KDM5B: variants seen among roughly 807,000 people sequenced by gnomAD.
KDM5B encodes the protein lysine demethylase 5B, also known as lysine-specific demethylase 5B.
A neutral mutation model predicts 193.4 loss-of-function variants in KDM5B; 144 were observed. The observed-to-expected ratio is 0.74, with a 90% CI of 0.65 to 0.86. The LOEUF is 0.86. Among genes scored for constraint, KDM5B ranks in the 40% least tolerant of loss-of-function variants. The probability of loss-of-function intolerance (pLI) is 0.00; values close to 1 mark genes in which losing one functional copy is unlikely to be tolerated. For synonymous variants in KDM5B, 668 were observed against 682.6 expected (o/e 0.98, Z 0.33); for missense variants, 1,833 against 1,886.9 (o/e 0.97, Z 0.53).
At chr1:202,803,425 T>C (rs1175043965) in intron 1 of KDM5B, among the ~76,000 whole-genome samples, 2 of 152,192 alleles carry the variant, frequency 1.3e-5, no homozygotes, top group South Asian at 2.1e-4. Flanking sequence ...ACTGGGTAGA[T>C]ATGTTTGTGG....
chr1:202,735,707 T>C, intron 21 of KDM5B, 120 bp from the exon 22 acceptor site: 2 of 917,352 alleles, frequency 2.2e-6, no homozygotes, highest in Non-Finnish European at 3.3e-6. Context: ...TATTGAAGAT[T>C]TTCTTTGGAA....
intron 6 of KDM5B, among the ~76,000 whole-genome samples, chr1:202,763,038 T>G (rs550589025): frequency 6.6e-6 from 1 of 152,246 alleles, no homozygotes; most frequent in Non-Finnish European, 1.5e-5. Context: ...CTTCTGGAGA[T>G]GTCCCTCAGG....
rs147084915 is a variant in KDM5B, at chr1:202,800,528, T to C, written c.204+7574A>G. 3.5e-3 allele frequency among the ~76,000 whole-genome samples: 528 copies of C among 152,076 alleles called. 3 individuals carry two copies. Among genetic ancestry groups the C allele is most frequent in the Non-Finnish European group, 5.9e-3 (402 of 67,990 alleles). The stretch of plus-strand genomic sequence containing the variant: ...GCTAATTTTTTGTCTTTTGTAGAGA[T>C]AGGGTCTCACTATGTTTCCCAGGCT... On this transcript the variant is annotated intron_variant, in intron 1 of 26. Transcript: ENST00000367265.
chr1:202,793,627 A>G (rs1657727966), intron 1 of KDM5B, among the ~76,000 whole-genome samples: 1 of 152,180 alleles, frequency 6.6e-6, no homozygotes, highest in Non-Finnish European at 1.5e-5. Context: ...GAAACCCAAC[A>G]TTTTGATTCC....
intron 4 of KDM5B, chr1:202,767,488 G>T: frequency 1.1e-6 from 1 of 908,320 alleles, no homozygotes; most frequent in Non-Finnish European, 1.8e-6. Context: ...ACCTCACCAA[G>T]ACCTTTTTTT....
chr1:202,803,238 C>T (rs796781290), intron 1 of KDM5B, among the ~76,000 whole-genome samples: 1 of 152,116 alleles, frequency 6.6e-6, no homozygotes, highest in East Asian at 1.9e-4. Context: ...ACTCATTTCG[C>T]TCTTTTAAAA....
intron 10 of KDM5B, 117 bp from the exon 11 acceptor site, chr1:202,755,569 C>A (rs1655976631): frequency 1.1e-5 from 9 of 805,848 alleles, no homozygotes. Flanking sequence ...AGAGGAGGGG[C>A]CACCATGCTG....
intron 1 of KDM5B, among the ~76,000 whole-genome samples, chr1:202,799,715 T>C (rs1424906587): frequency 6.6e-6 from 1 of 151,816 alleles, no homozygotes; most frequent in Non-Finnish European, 1.5e-5. Context: ...AAAATATACA[T>C]ACACACAGTC....
intron 1 of KDM5B, among the ~76,000 whole-genome samples, chr1:202,805,891 A>C (rs1401753456): frequency 6.6e-6 from 1 of 152,180 alleles, no homozygotes; most frequent in Non-Finnish European, 1.5e-5. Context: ...TGTTAAACAA[A>C]GGAGGAAGCA....
chr1:202,777,112 C>G lies in KDM5B; in HGVS notation c.205-18G>C, dbSNP rs1558508134. ...TGCCAATCCTAGGAGAAAGCAAAGG[C>G]TCTTATTAGAATAACTTATAAGCAT... On this transcript the variant is annotated intron_variant, in intron 1 of 26. Transcript: ENST00000367265. 1 of 1,591,706 alleles carries G rather than the reference C, an allele frequency of 6.3e-7. No individual in the cohort carries two copies. The highest frequency in any genetic ancestry group is 8.6e-7 in the Non-Finnish European group (1 of 1,160,560).
chr1:202,733,566 C>T lies in KDM5B; in HGVS notation c.3744G>A (p.Glu1248=), dbSNP rs1412531076. 6.2e-7 allele frequency: 1 copy of T among 1,614,038 alleles called. No individual in the cohort carries two copies. The highest frequency in any genetic ancestry group is 8.5e-7 in the Non-Finnish European group (1 of 1,180,038). Reference sequence around the variant, plus strand: ...CAATCATATATCGAAGTGCATCTCCCTCAGGAAGGCGAACTCGGATACGCT... The same window carrying T: ...CAATCATATATCGAAGTGCATCTCCTTCAGGAAGGCGAACTCGGATACGCT... ...SLQRIRVRLP[E]GDALRYMIER... The change falls in exon 23 of 27, where the codon GAG becomes GAA. Residue 1248 remains glutamate, a synonymous_variant. Coordinates refer to ENST00000367265, the MANE Select transcript of KDM5B (RefSeq NM_006618.5).
chr1:202,773,926 G>C (rs1423880123), intron 3 of KDM5B, among the ~76,000 whole-genome samples: 1 of 151,828 alleles, frequency 6.6e-6, no homozygotes, highest in Non-Finnish European at 1.5e-5. Context: ...TAGTAGAGAC[G>C]GGGTTTCGAC....
chr1:202,729,006 T>C lies in KDM5B; in HGVS notation c.*30A>G. On this transcript the variant is annotated 3_prime_UTR_variant, in exon 27 of 27. Transcript: ENST00000367265. ...CTCTTGGTTGGAGTCCTGAATTACA[T>C]TAAGTAGGGGGGTATCTGTTTTTGT... The C allele has an allele frequency of 1.9e-6, 3 of 1,613,554 alleles. No homozygotes were observed. Among genetic ancestry groups the C allele is most frequent in the Admixed American group, 1.7e-5 (1 of 60,014 alleles).
At chr1:202,767,326 TC>T (rs932228387) in intron 4 of KDM5B, 2 of 1,609,072 alleles carry the variant, frequency 1.2e-6, no homozygotes, top group African/African-American at 2.7e-5. Flanking sequence ...CCACTTGTTT[TC>T]CACTGAAAAT....
chr1:202,740,631 A>G, intron 20 of KDM5B, 43 bp downstream of exon 20: 1 of 1,545,396 alleles, frequency 6.5e-7, no homozygotes, highest in Non-Finnish European at 8.8e-7. Context: ...ATTGCTCTTT[A>G]TGGATGCACT....
At chr1:202,799,834 T>G (rs1658003034) in intron 1 of KDM5B, among the ~76,000 whole-genome samples, 1 of 152,196 alleles carries the variant, frequency 6.6e-6, no homozygotes, top group Admixed American at 6.5e-5. Context: ...AAGGTCATTA[T>G]GTGACCACCT....
chr1:202,784,474 C>A (rs539307827), intron 1 of KDM5B, among the ~76,000 whole-genome samples: 1 of 152,172 alleles, frequency 6.6e-6, no homozygotes, highest in African/African-American at 2.4e-5. Flanking sequence ...GTGAGGATGA[C>A]AAAATTTAAC....
rs768542615 is a variant in KDM5B, at chr1:202,808,350, C to G, written c.-45G>C. Reference sequence around the variant, plus strand: ...GCGAGGCGAAGGTGGGCTCCGGGACCGAGGCTGCGAGCTCCGCTCGGTCCG... The same window carrying G: ...GCGAGGCGAAGGTGGGCTCCGGGACGGAGGCTGCGAGCTCCGCTCGGTCCG... On this transcript the variant is annotated 5_prime_UTR_variant, in exon 1 of 27. Transcript: ENST00000367265. 6.0e-6 allele frequency: 9 copies of G among 1,492,948 alleles called. No homozygotes were observed. Among genetic ancestry groups the G allele is most frequent in the Admixed American group, 2.3e-5 (1 of 44,142 alleles). The allele number at this position is 1,492,948 out of a possible 1,614,324, so 92.5% of individuals were successfully genotyped here. A position where few individuals can be genotyped will look rare whatever the true frequency, so the allele number is the denominator to read the frequency against.
chr1:202,755,110 TCTTAA>T (rs902383861), intron 11 of KDM5B, among the ~76,000 whole-genome samples, 156 bp downstream of exon 11: 8 of 152,236 alleles, frequency 5.3e-5, no homozygotes, highest in Admixed American at 5.2e-4. Context: ...AGAACCACTG[TCTTAA>T]CTTGTCAGGA....
Sources: gnomAD v4.1 joint callset for allele counts (sites outside exome capture counted in the v4.1 genomes callset) on GRCh38, gnomAD v4.1.1 for gene constraint, MANE v1.5 for transcripts, NCBI Gene and HGNC (gene_info 2026-07-23, HGNC 2026-07-21) for gene names.